NR3C2: variants seen among roughly 807,000 people sequenced by gnomAD.
The protein encoded by NR3C2 is mineralocorticoid receptor.
NR3C2 carries 15 observed loss-of-function variants against 86.4 expected under a neutral mutation model. The observed-to-expected ratio is 0.17, with a 90% CI of 0.12 to 0.27. NR3C2 has a LOEUF of 0.27. Ranked by LOEUF, NR3C2 falls within the 10% of genes least tolerant of loss-of-function variation. The probability of loss-of-function intolerance (pLI) is 1.00; values close to 1 mark genes in which losing one functional copy is unlikely to be tolerated. For missense variants in NR3C2, 960 were observed against 1,195.6 expected, an observed-to-expected ratio of 0.80 and a Z score of 2.91; for synonymous variants, 458 against 450.5, an observed-to-expected ratio of 1.02 and a Z score of -0.21.
upstream of NR3C2, chr4:148,442,895 G>A: frequency 8.1e-6 from 8 of 985,330 alleles, no homozygotes; most frequent in Non-Finnish European, 7.2e-6. Context: ...GTGTGCTGAC[G>A]CGGAAGAAGT....
chr4:148,433,704 C>CTA lies in NR3C2; in HGVS notation c.1757+1398_1757+1399dup, dbSNP rs534378556. Among the ~76,000 whole-genome samples, 25 of 152,244 alleles carry CTA rather than the reference C, an allele frequency of 1.6e-4. No individual in the cohort carries two copies. In the South Asian group the frequency reaches 2.3e-3, roughly 14 times the overall value. The stretch of plus-strand genomic sequence containing the variant: ...ACCAGTTATGCTGTTAACTACCAGG[C>CTA]TATACTACCTCATACCAGCTCACTA... On this transcript the variant is annotated intron_variant, in intron 2 of 8. Transcript: ENST00000358102.
At chr4:148,179,227 T>G (rs1232859811) in intron 4 of NR3C2, among the ~76,000 whole-genome samples, 1 of 151,104 alleles carries the variant, frequency 6.6e-6, no homozygotes, top group South Asian at 2.1e-4. Context: ...AAGAGAACTG[T>G]GTATTGAGGA....
intron 3 of NR3C2, chr4:148,207,937 G>A (rs1490733615): frequency 6.6e-6 from 1 of 152,202 alleles, no homozygotes; most frequent in Non-Finnish European, 1.5e-5. Context: ...CTATTTGGAT[G>A]TGATCTCTCT....
chr4:148,123,083 C>T (rs916966509), intron 6 of NR3C2, among the ~76,000 whole-genome samples: 1 of 152,100 alleles, frequency 6.6e-6, no homozygotes, highest in Non-Finnish European at 1.5e-5. Flanking sequence ...TATTAATACC[C>T]TGGGGAAGGA....
At chr4:148,303,231 T>A (rs1326838092) in intron 2 of NR3C2, among the ~76,000 whole-genome samples, 1 of 152,152 alleles carries the variant, frequency 6.6e-6, no homozygotes, top group East Asian at 1.9e-4. Flanking sequence ...GTTTTTAAGT[T>A]TTTGCCTACA....
intron 3 of NR3C2, among the ~76,000 whole-genome samples, chr4:148,202,362 GAGA>G (rs1217982709): frequency 1.3e-5 from 2 of 152,124 alleles, no homozygotes; most frequent in East Asian, 3.9e-4. Flanking sequence ...TAGTACATTT[GAGA>G]AGAATTAATC....
chr4:148,248,392 C>G (rs968189818), intron 3 of NR3C2, among the ~76,000 whole-genome samples: 1 of 152,166 alleles, frequency 6.6e-6, no homozygotes, highest in Non-Finnish European at 1.5e-5. Flanking sequence ...AATGACCAAC[C>G]TAGACTAATC....
chr4:148,420,217 C>T (rs1749214560), intron 2 of NR3C2, among the ~76,000 whole-genome samples: 1 of 152,108 alleles, frequency 6.6e-6, no homozygotes, highest in South Asian at 2.1e-4. Context: ...GAAAATATAA[C>T]TGAATAAAAA....
chr4:148,395,113 G>A (rs1747793979), intron 2 of NR3C2, among the ~76,000 whole-genome samples: 1 of 152,072 alleles, frequency 6.6e-6, no homozygotes, highest in South Asian at 2.1e-4. Context: ...AAAAAAATAG[G>A]ATATGTACTT....
intron 2 of NR3C2, among the ~76,000 whole-genome samples, chr4:148,281,734 G>A (rs926014406): frequency 6.6e-6 from 1 of 152,200 alleles, no homozygotes; most frequent in South Asian, 2.1e-4. Flanking sequence ...AAACATCTGT[G>A]TTATGTTATG....
intron 4 of NR3C2, among the ~76,000 whole-genome samples, chr4:148,184,169 G>A (rs556157375): frequency 6.6e-6 from 1 of 152,274 alleles, no homozygotes; most frequent in African/African-American, 2.4e-5. Context: ...GATAAGGATA[G>A]GCTGGGTGCG....
intron 4 of NR3C2, among the ~76,000 whole-genome samples, chr4:148,155,472 GACAA>G (rs1237064272): frequency 1.3e-5 from 2 of 152,020 alleles, no homozygotes; most frequent in African/African-American, 4.8e-5. Flanking sequence ...ACCAATAACA[GACAA>G]ACAGAGAGCC....
At chr4:148,282,721 C>T (rs1034473296) in intron 2 of NR3C2, among the ~76,000 whole-genome samples, 7 of 152,052 alleles carry the variant, frequency 4.6e-5, no homozygotes, top group African/African-American at 1.4e-4. Context: ...GCCTAAAACT[C>T]ATTTGGCAAG....
chr4:148,237,126 T>C (rs1738785054), intron 3 of NR3C2, among the ~76,000 whole-genome samples: 1 of 152,204 alleles, frequency 6.6e-6, no homozygotes, highest in African/African-American at 2.4e-5. Flanking sequence ...CAAAACAGAT[T>C]ACAATTCATC....
At chr4:148,099,570 G>T (rs1006422407) in intron 8 of NR3C2, among the ~76,000 whole-genome samples, 4 of 152,086 alleles carry the variant, frequency 2.6e-5, no homozygotes, top group African/African-American at 9.7e-5. Flanking sequence ...AAGACAGGAG[G>T]GTGATTAAGT....
In NR3C2 at chr4:148,112,295, T is replaced by A. The variant is rs144305670; in HGVS notation, c.2799+1809A>T. Among the ~76,000 whole-genome samples the A allele has an allele frequency of 2.4e-3, 367 of 152,340 alleles. 1 individual carries two copies. The highest frequency in any genetic ancestry group is 8.2e-3 in the African/African-American group (341 of 41,586). The stretch of plus-strand genomic sequence containing the variant: ...ATGGAAATTGTTTCAGAATGTTTCA[T>A]CTATAATCACATGAATTTTGATATT... On this transcript the variant is annotated intron_variant, in intron 8 of 8. Coordinates refer to ENST00000358102, the MANE Select transcript of NR3C2 (RefSeq NM_000901.5).
chr4:148,260,628 T>G (rs1464447728), intron 2 of NR3C2, among the ~76,000 whole-genome samples: 2 of 152,234 alleles, frequency 1.3e-5, no homozygotes, highest in Non-Finnish European at 2.9e-5. Context: ...TGCCAGTAAT[T>G]TTATCCCTCT....
At chr4:148,286,067 C>A (rs1437242310) in intron 2 of NR3C2, among the ~76,000 whole-genome samples, 1 of 152,102 alleles carries the variant, frequency 6.6e-6, no homozygotes, top group African/African-American at 2.4e-5. Flanking sequence ...AGTCTGGAAG[C>A]AATGTATTAA....
chr4:148,108,116 T>C (rs1035302364), intron 8 of NR3C2, among the ~76,000 whole-genome samples: 1 of 152,198 alleles, frequency 6.6e-6, no homozygotes, highest in African/African-American at 2.4e-5. Context: ...TTTTGTTTTT[T>C]TTATTTGAGA....
Sources: gnomAD v4.1 joint callset for allele counts (sites outside exome capture counted in the v4.1 genomes callset) on GRCh38, gnomAD v4.1.1 for gene constraint, MANE v1.5 for transcripts, NCBI Gene and HGNC (gene_info 2026-07-23, HGNC 2026-07-21) for gene names.